Variants in CNOT1 observed in about 807,000 individuals in gnomAD.
The protein encoded by CNOT1 is CCR4-NOT transcription complex subunit 1.
A neutral mutation model predicts 273.8 loss-of-function variants in CNOT1; 15 were observed. That is an observed-to-expected ratio of 0.05 (90% confidence interval 0.04 to 0.08). CNOT1 has a LOEUF of 0.08. Among genes scored for constraint, CNOT1 ranks in the 10% least tolerant of loss-of-function variants. The pLI, the probability that CNOT1 is intolerant of heterozygous loss-of-function variation, is 1.00. For synonymous variants in CNOT1, 1,022 were observed against 1,005.5 expected (o/e 1.02, Z -0.31); for missense variants, 1,644 against 2,912.2 (o/e 0.56, Z 10.02).
rs908447924 is a variant in CNOT1, at chr16:58,578,775, A to G, written c.1508T>C (p.Ile503Thr). ...TSWHTLRHEL[I>T]STLMPIFLGN... ...AAGGAAAATTGGCATCAGAGTGGAGATAAGTTCATGGCGCAAGGTATGCCA... is the reference window on the plus strand; with the variant it reads ...AAGGAAAATTGGCATCAGAGTGGAGGTAAGTTCATGGCGCAAGGTATGCCA... Residue 503 changes from isoleucine (I) to threonine (T), a missense_variant, in exon 13 of 49, where the codon ATC becomes ACC. Coordinates refer to ENST00000317147, the MANE Select transcript of CNOT1 (RefSeq NM_016284.5). The G allele has an allele frequency of 1.1e-5, 17 of 1,614,034 alleles. No individual in the cohort carries two copies. Among genetic ancestry groups the G allele is most frequent in the East Asian group, 4.5e-5 (2 of 44,884 alleles).
chr16:58,623,334 G>C (rs887246869), intron 1 of CNOT1: 1 of 152,072 alleles, frequency 6.6e-6, no homozygotes, highest in Non-Finnish European at 1.5e-5. Flanking sequence ...CCTTAGAATG[G>C]TAAGTTTCTT....
At chr16:58,606,102 G>A (rs1209046321) in intron 1 of CNOT1, among the ~76,000 whole-genome samples, 1 of 151,978 alleles carries the variant, frequency 6.6e-6, no homozygotes, top group Non-Finnish European at 1.5e-5. Context: ...CCAACAATAT[G>A]GTTATGATAA....
chr16:58,579,549 A>T (rs1242846176), intron 12 of CNOT1, among the ~76,000 whole-genome samples: 2 of 152,206 alleles, frequency 1.3e-5, no homozygotes, highest in Non-Finnish European at 2.9e-5. Flanking sequence ...GGAAAAAAAT[A>T]AGCAATTTTT....
At chr16:58,549,661 A>G in intron 25 of CNOT1, 58 bp downstream of exon 25, 1 of 1,541,286 alleles carries the variant, frequency 6.5e-7, no homozygotes, top group Non-Finnish European at 8.7e-7. Context: ...TACCTATATA[A>G]TCAAATATTT....
chr16:58,521,413 G>T, intron 47 of CNOT1, 96 bp from the exon 48 acceptor site: 2 of 1,284,786 alleles, frequency 1.6e-6, no homozygotes, highest in Non-Finnish European at 1.1e-6. Flanking sequence ...CCTGACTATT[G>T]AACCACATGC....
At chr16:58,590,235 G>A (rs1179396557) in intron 2 of CNOT1, among the ~76,000 whole-genome samples, 1 of 152,150 alleles carries the variant, frequency 6.6e-6, no homozygotes. Flanking sequence ...CGGATAAGGG[G>A]TTGACATATT....
chr16:58,537,307 GC>G (rs943710246), intron 38 of CNOT1, 87 bp from the exon 39 acceptor site: 2 of 1,495,396 alleles, frequency 1.3e-6, no homozygotes, highest in Non-Finnish European at 1.8e-6. Flanking sequence ...TTATTTAACA[GC>G]AACCACCAGA....
At chr16:58,528,388 G>A (rs2039671169) in intron 44 of CNOT1, 87 bp downstream of exon 44, 2 of 895,410 alleles carry the variant, frequency 2.2e-6, no homozygotes, top group Non-Finnish European at 3.7e-6. Flanking sequence ...TGTTATGTTG[G>A]GTAGGAAAGT....
Position 58,546,360 on chromosome 16 carries a change from C to A in CNOT1, c.3967G>T (p.Val1323Phe). ...GGAGGGAGTTCTTCTGGCTGCTTGA[C>A]ATCTTTCTTTGGAGCAGAGAGTTGC... Reference protein sequence around the residue: ...DEQLSAPKKDVKQPEELPPIT... With the variant: ...DEQLSAPKKDFKQPEELPPIT... Residue 1323 changes from valine to phenylalanine, a missense_variant, in exon 29 of 49, where the codon GTC becomes TTC. Physicochemically the swap from Val to Phe is conservative, Grantham distance 50. Around this residue, in one of 13 missense-constraint regions of CNOT1, gnomAD observed 52 missense variants for 50.2 expected, o/e 1.04. Coordinates refer to ENST00000317147, the MANE Select transcript of CNOT1 (RefSeq NM_016284.5). 1 of 1,613,906 alleles carries A rather than the reference C, an allele frequency of 6.2e-7. No individual in the cohort carries two copies. The highest frequency in any genetic ancestry group is 1.1e-5 in the South Asian group (1 of 91,074).
Position 58,530,314 on chromosome 16 carries a change from A to G in CNOT1, c.6211T>C (p.Leu2071=). ...AGGAAAGGCGCTAAATATTTGAATA[A>G]ATCAATCAGTAGCTGTGCATACATA... is the stretch of plus-strand genomic sequence containing the variant. ...WPMYAQLLID[L]FKYLAPFLRN... The change falls in exon 43 of 49, where the codon TTA becomes CTA. Residue 2071 remains leucine (L), a synonymous_variant. Coordinates refer to ENST00000317147, the MANE Select transcript of CNOT1 (RefSeq NM_016284.5). 5 of 1,612,710 alleles carry G rather than the reference A, an allele frequency of 3.1e-6. No homozygotes were observed. Among genetic ancestry groups the G allele is most frequent in the Non-Finnish European group, 4.2e-6 (5 of 1,179,068 alleles).
At position 58,610,272 on chromosome 16, in the gene CNOT1, A is replaced by AAAAG. The variant is rs2042847928; in HGVS notation, c.-174-10762_-174-10761insCTTT. Among the ~76,000 whole-genome samples the AAAAG allele has an allele frequency of 7.9e-5, 12 of 152,322 alleles. No individual in the cohort carries two copies. In the South Asian group the frequency reaches 2.5e-3, roughly 32 times the overall value. On this transcript the variant is annotated intron_variant, in intron 1 of 48. Coordinates refer to ENST00000317147, the MANE Select transcript of CNOT1 (RefSeq NM_016284.5). ...ATCTCTACTAAAAATACAAAAAACT[A>AAAAG]GCCAGGCATGGTGGTAGACACCTGT...
chr16:58,624,597 G>C (rs531322342), intron 1 of CNOT1: 3 of 152,086 alleles, frequency 2.0e-5, no homozygotes, highest in Non-Finnish European at 4.4e-5. Context: ...TCAGGAGTTC[G>C]AGACCAGCCT....
intron 16 of CNOT1, among the ~76,000 whole-genome samples, chr16:58,566,288 T>C (rs2151951173): frequency 6.6e-6 from 1 of 152,370 alleles, no homozygotes; most frequent in Middle Eastern, 3.4e-3. Flanking sequence ...AATTCTTCTA[T>C]ATTTATTAGT....
intron 1 of CNOT1, among the ~76,000 whole-genome samples, chr16:58,605,497 C>T (rs2042645698): frequency 6.6e-6 from 1 of 152,128 alleles, no homozygotes; most frequent in African/African-American, 2.4e-5. Flanking sequence ...CAGAGCAAGA[C>T]TCTGTCTCAA....
intron 40 of CNOT1, 93 bp downstream of exon 40, chr16:58,534,054 C>CA (rs1299954443): frequency 8.3e-7 from 1 of 1,200,022 alleles, no homozygotes; most frequent in African/African-American, 1.6e-5. Context: ...GAGACTCTCT[C>CA]AAAGAAACAA....
intron 22 of CNOT1, among the ~76,000 whole-genome samples, chr16:58,552,248 A>C (rs541004009): frequency 1.3e-5 from 2 of 151,904 alleles, no homozygotes; most frequent in Non-Finnish European, 2.9e-5. Context: ...AAAAAAAAAA[A>C]CTCACTTTAC....
At chr16:58,587,288 T>TAGAATTAAAAAC in intron 5 of CNOT1, 33 bp from the exon 6 acceptor site, 1 of 1,613,470 alleles carries the variant, frequency 6.2e-7, no homozygotes. Context: ...AACCAAAGAG[T>TAGAATTAAAAAC]CAAATGGCTG....
intron 46 of CNOT1, among the ~76,000 whole-genome samples, chr16:58,524,249 CAA>C (rs35148544): frequency 4.1e-4 from 34 of 82,340 alleles, no homozygotes; most frequent in Admixed American, 7.4e-4. Flanking sequence ...GACTCTATCG[CAA>C]AAAAAAAAAA....
At position 58,542,234 on chromosome 16, in the gene CNOT1, C is replaced by T; in HGVS notation, c.4677G>A (p.Leu1559=). Residue 1559 remains leucine (L), a synonymous_variant, in exon 33 of 49, where the codon CTG becomes CTA. Transcript: ENST00000317147. ...QAERMPEQIR[L]KVGGVDPKQL... Reference sequence around the variant, plus strand: ...AAGACAGAGCCCCAATTCTCACTTTCAGCCTGATTTGCTCTGGCATCCGTT... The same window carrying T: ...AAGACAGAGCCCCAATTCTCACTTTTAGCCTGATTTGCTCTGGCATCCGTT... 6.2e-7 allele frequency: 1 copy of T among 1,613,914 alleles called. No homozygotes were observed.
Sources: gnomAD v4.1 joint callset for allele counts (sites outside exome capture counted in the v4.1 genomes callset) on GRCh38, gnomAD v4.1.1 for gene constraint, gnomAD v4.1.1 regional missense constraint, MANE v1.5 for transcripts, NCBI Gene and HGNC (gene_info 2026-07-23, HGNC 2026-07-21) for gene names.